The following AOAH variants were observed in gnomAD, a reference collection of about 807,000 sequenced individuals.
AOAH encodes the protein acyloxyacyl hydrolase (neutrophil).
AOAH carries 64 observed loss-of-function variants against 92.2 expected under a neutral mutation model. The observed-to-expected ratio is 0.69, with a 90% CI of 0.57 to 0.86. The LOEUF (loss-of-function observed/expected upper bound fraction) is 0.86. Ranked by LOEUF, AOAH falls within the 40% of genes least tolerant of loss-of-function variation. AOAH has a pLI of 0.00. For missense variants in AOAH, 656 were observed against 694.6 expected (o/e 0.94, Z 0.62); for synonymous variants, 263 against 254.5 (o/e 1.03, Z -0.32).
chr7:36,607,391 A>G (rs79879573), intron 11 of AOAH, among the ~76,000 whole-genome samples: 2,795 of 152,226 alleles, frequency 0.018, 45 homozygotes, highest in African/African-American at 0.046. Flanking sequence ...AAGGGTCTTG[A>G]TTTGTAAATG....
chr7:36,703,966 C>T (rs1798212989), intron 1 of AOAH, among the ~76,000 whole-genome samples: 1 of 152,144 alleles, frequency 6.6e-6, no homozygotes. Context: ...TCTTCTCCAG[C>T]ATCGGTTGTT....
Position 36,670,551 on chromosome 7 carries a change from T to A in AOAH, c.290+3392A>T, listed in dbSNP as rs111549256. Among the ~76,000 whole-genome samples, 187 of 152,294 alleles carry A rather than the reference T, an allele frequency of 1.2e-3. 1 individual carries two copies. Among genetic ancestry groups the A allele is most frequent in the Middle Eastern group, 6.8e-3 (2 of 294 alleles). Reference sequence around the variant, plus strand: ...GTGCAGTGGCGTCATCTCAGCTCACTGCAACCTCGGTCTCCAGGGCTCAAG... The same window carrying A: ...GTGCAGTGGCGTCATCTCAGCTCACAGCAACCTCGGTCTCCAGGGCTCAAG... On this transcript the variant is annotated intron_variant, in intron 3 of 20. Transcript: ENST00000617537.
intron 1 of AOAH, among the ~76,000 whole-genome samples, chr7:36,696,991 TAC>T (rs1269704730): frequency 2.6e-5 from 4 of 152,220 alleles, no homozygotes; most frequent in Admixed American, 2.6e-4. Flanking sequence ...TGTCTGACAA[TAC>T]AGTTTTACTT....
intron 4 of AOAH, among the ~76,000 whole-genome samples, chr7:36,646,832 T>C (rs1291066998): frequency 6.6e-6 from 1 of 152,230 alleles, no homozygotes; most frequent in Admixed American, 6.5e-5. Flanking sequence ...AGGATTCTTG[T>C]GATCACATCA....
chr7:36,548,485 C>G, intron 15 of AOAH, 127 bp downstream of exon 15: 1 of 764,944 alleles, frequency 1.3e-6, no homozygotes, highest in Non-Finnish European at 2.2e-6. Context: ...TGTGCCCGGC[C>G]GTGCTTCTAA....
chr7:36,686,302 G>T (rs1734373831), intron 2 of AOAH, among the ~76,000 whole-genome samples: 1 of 152,124 alleles, frequency 6.6e-6, no homozygotes, highest in Non-Finnish European at 1.5e-5. Flanking sequence ...GTAGGGCTAG[G>T]TGTACATCTT....
At chr7:36,577,332 A>G (rs1469601873) in intron 12 of AOAH, among the ~76,000 whole-genome samples, 2 of 152,102 alleles carry the variant, frequency 1.3e-5, no homozygotes, top group African/African-American at 4.8e-5. Flanking sequence ...CCCTTTCTCC[A>G]GTCTCCTGCC....
intron 2 of AOAH, among the ~76,000 whole-genome samples, chr7:36,679,044 C>G (rs1584099348): frequency 6.6e-6 from 1 of 152,208 alleles, no homozygotes; most frequent in East Asian, 1.9e-4. Context: ...GAAAATGTGG[C>G]TATTCCAAAG....
chr7:36,518,962 T>C (rs1783969881), intron 20 of AOAH, among the ~76,000 whole-genome samples: 1 of 152,212 alleles, frequency 6.6e-6, no homozygotes, highest in Non-Finnish European at 1.5e-5. Context: ...AAATCTCTGA[T>C]AAGAACTTGC....
At chr7:36,606,392 G>A (rs567090712) in intron 11 of AOAH, among the ~76,000 whole-genome samples, 5 of 152,346 alleles carry the variant, frequency 3.3e-5, no homozygotes, top group Non-Finnish European at 5.9e-5. Context: ...TCAGCAGCTA[G>A]ATTAAGGATT....
intron 4 of AOAH, among the ~76,000 whole-genome samples, chr7:36,654,283 G>A (rs988753075): frequency 1.3e-5 from 2 of 152,152 alleles, no homozygotes; most frequent in Admixed American, 6.5e-5. Context: ...TTTCCTTCCT[G>A]TCCCTCTTCT....
At chr7:36,528,770 A>G (rs188667805) in intron 19 of AOAH, among the ~76,000 whole-genome samples, 1 of 152,274 alleles carries the variant, frequency 6.6e-6, no homozygotes, top group Admixed American at 6.5e-5. Context: ...TAATAAAAAA[A>G]GATGTTTTGT....
In AOAH at chr7:36,538,760, G is replaced by A. The variant is rs190067977; in HGVS notation, c.1306+1559C>T. ...CCCAGAATGGAGTGAAGTTCCATGT[G>A]TGATCATGTTATTTCTAAGGCGGCG... On this transcript the variant is annotated intron_variant, in intron 16 of 20. Coordinates refer to ENST00000617537, the MANE Select transcript of AOAH (RefSeq NM_001637.4). Among the ~76,000 whole-genome samples, 44 of 152,354 alleles carry A rather than the reference G, an allele frequency of 2.9e-4. No individual in the cohort carries two copies. In the East Asian group the frequency reaches 3.7e-3, roughly 13 times the overall value.
rs538284701 is a variant in AOAH, at chr7:36,606,585, T to C, written c.846+9795A>G. Among the ~76,000 whole-genome samples, 316 of 152,326 alleles carry C rather than the reference T, an allele frequency of 2.1e-3. 1 individual carries two copies. Among genetic ancestry groups the C allele is most frequent in the African/African-American group, 7.1e-3 (295 of 41,572 alleles). On this transcript the variant is annotated intron_variant, in intron 11 of 20. Coordinates refer to ENST00000617537, the MANE Select transcript of AOAH (RefSeq NM_001637.4). ...TCTCCTCACCCCCTCCCCCAACCTG[T>C]CATGCAATTCTGATTCAGTGAAATG...
chr7:36,674,011 T>TA lies in AOAH; in HGVS notation c.224-3dup. On this transcript the variant is annotated splice_polypyrimidine_tract_variant and splice_region_variant and intron_variant, in intron 2 of 20. Transcript: ENST00000617537. ...AGGTGGTTTTCAAGAACAGTTTTTC[T>TA]AAAAAATATAAAGAGGGAAATTGAA... 1 of 1,570,480 alleles carries TA rather than the reference T, an allele frequency of 6.4e-7. No homozygotes were observed. Among genetic ancestry groups the TA allele is most frequent in the South Asian group, 1.1e-5 (1 of 89,512 alleles).
At position 36,524,697 on chromosome 7, in the gene AOAH, T is replaced by G. The variant is rs192686461; in HGVS notation, c.1523-2582A>C. On this transcript the variant is annotated intron_variant, in intron 19 of 20. Transcript: ENST00000617537. ...TCTCGACAATAAGTAAATTAAAAGA[T>G]AAATAAATCAAATAAAATGCACCCC... is the stretch of plus-strand genomic sequence containing the variant. Among the ~76,000 whole-genome samples, 15 of 150,954 alleles carry G rather than the reference T, an allele frequency of 9.9e-5. No individual in the cohort carries two copies. The East Asian group carries it at 2.9e-3, about 29-fold the overall frequency.
At chr7:36,650,195 C>T (rs911346281) in intron 4 of AOAH, among the ~76,000 whole-genome samples, 1 of 152,082 alleles carries the variant, frequency 6.6e-6, no homozygotes, top group Non-Finnish European at 1.5e-5. Flanking sequence ...GGAGCAAGGA[C>T]CCCTTGGTAA....
In AOAH at chr7:36,724,163, C is replaced by G. The variant is rs1421166058; in HGVS notation, c.-15G>C. 6.2e-6 allele frequency: 10 copies of G among 1,611,700 alleles called. No individual in the cohort carries two copies. Among genetic ancestry groups the G allele is most frequent in the African/African-American group, 2.7e-5 (2 of 74,814 alleles). ...GGGGACTGCATCTCCGAGCTATGCA[C>G]CCCAAGTGATCACCCGGCTTTGGAA... On this transcript the variant is annotated 5_prime_UTR_variant, in exon 1 of 21. Coordinates refer to ENST00000617537, the MANE Select transcript of AOAH (RefSeq NM_001637.4).
At chr7:36,555,181 G>A (rs1183171168) in intron 13 of AOAH, among the ~76,000 whole-genome samples, 1 of 151,004 alleles carries the variant, frequency 6.6e-6, no homozygotes, top group Non-Finnish European at 1.5e-5. Flanking sequence ...TTTATTGAGA[G>A]TTTTTAGCAT....
Sources: gnomAD v4.1 joint callset for allele counts (sites outside exome capture counted in the v4.1 genomes callset) on GRCh38, gnomAD v4.1.1 for gene constraint, MANE v1.5 for transcripts, NCBI Gene and HGNC (gene_info 2026-07-23, HGNC 2026-07-21) for gene names.